COL24A1: variants seen among roughly 807,000 people sequenced by gnomAD.
The protein encoded by COL24A1 is collagen alpha-1(XXIV) chain.
Under a neutral mutation model 253.9 loss-of-function variants are expected in COL24A1, and 224 were observed. The observed-to-expected ratio is 0.88, with a 90% CI of 0.79 to 0.99. COL24A1 has a LOEUF of 0.99. COL24A1 is among the 50% of genes least tolerant of loss of function. The pLI, the probability that COL24A1 is intolerant of heterozygous loss-of-function variation, is 0.00. For synonymous variants in COL24A1, 685 were observed against 673.7 expected (o/e 1.02, Z -0.26); for missense variants, 2,131 against 2,068.5 (o/e 1.03, Z -0.59).
intron 24 of COL24A1, among the ~76,000 whole-genome samples, chr1:85,920,321 G>A (rs1029832223): frequency 6.6e-6 from 1 of 152,190 alleles, no homozygotes; most frequent in African/African-American, 2.4e-5. Flanking sequence ...TGTATTCCAA[G>A]CAGAGGGAAT....
intron 2 of COL24A1, among the ~76,000 whole-genome samples, chr1:86,131,622 T>C (rs1649217355): frequency 6.6e-6 from 1 of 151,592 alleles, no homozygotes; most frequent in African/African-American, 2.4e-5. Context: ...TTTGGTTTTT[T>C]GTCCTTGTGA....
intron 43 of COL24A1, among the ~76,000 whole-genome samples, chr1:85,831,974 T>C (rs1201606866): frequency 3.9e-5 from 6 of 152,108 alleles, no homozygotes; most frequent in Non-Finnish European, 8.8e-5. Context: ...ACATTGCTTT[T>C]GGTGTTTTAG....
intron 55 of COL24A1, among the ~76,000 whole-genome samples, chr1:85,746,294 C>T: frequency 6.6e-6 from 1 of 152,020 alleles, no homozygotes; most frequent in Non-Finnish European, 1.5e-5. Flanking sequence ...TCTCATAGCT[C>T]ATGGTTGGTA....
chr1:85,908,523 T>C, intron 27 of COL24A1, 75 bp downstream of exon 27: 7 of 839,776 alleles, frequency 8.3e-6, no homozygotes, highest in Non-Finnish European at 1.3e-5. Flanking sequence ...AAACCAACAA[T>C]AAAGCATAAC....
chr1:85,884,414 C>T (rs1381301456), intron 32 of COL24A1, among the ~76,000 whole-genome samples: 1 of 152,014 alleles, frequency 6.6e-6, no homozygotes, highest in Non-Finnish European at 1.5e-5. Context: ...TTTTACTCCC[C>T]TGTTTTATTT....
chr1:86,056,150 G>T (rs562413718), intron 10 of COL24A1, among the ~76,000 whole-genome samples: 1 of 150,518 alleles, frequency 6.6e-6, no homozygotes, highest in African/African-American at 2.4e-5. Context: ...TAACTCCACA[G>T]CCCATGTTCT....
chr1:85,979,562 G>A (rs371191702), intron 20 of COL24A1, among the ~76,000 whole-genome samples: 49 of 152,002 alleles, frequency 3.2e-4, no homozygotes, highest in African/African-American at 9.6e-4. Flanking sequence ...ACACCTTTAC[G>A]CACACAAACT....
chr1:85,953,746 A>G (rs1011411317), intron 24 of COL24A1, among the ~76,000 whole-genome samples: 1 of 152,234 alleles, frequency 6.6e-6, no homozygotes, highest in African/African-American at 2.4e-5. Flanking sequence ...CAAGTCACAG[A>G]ATAATGTTTA....
intron 55 of COL24A1, among the ~76,000 whole-genome samples, chr1:85,748,732 G>A (rs555982767): frequency 2.9e-5 from 4 of 137,278 alleles, no homozygotes; most frequent in Admixed American, 2.2e-4. Flanking sequence ...AAGCGCAAGG[G>A]GTCAGGGAGT....
In COL24A1 at chr1:85,729,996, A is replaced by C. The variant is rs1160766628; in HGVS notation, c.*550T>G. 6.5e-6 allele frequency: 1 copy of C among 152,732 alleles called. No individual in the cohort carries two copies. Among genetic ancestry groups the C allele is most frequent in the African/African-American group, 2.4e-5 (1 of 41,474 alleles). The allele number at this position is 152,732 out of a possible 1,614,324, so 9.5% of individuals were successfully genotyped here. ...AGATGAAAAAGGAAATAGTCTATGAAAGCCATAAGCACCTTGTTTTCGAAA... is the reference window on the plus strand; with the variant it reads ...AGATGAAAAAGGAAATAGTCTATGACAGCCATAAGCACCTTGTTTTCGAAA... On this transcript the variant is annotated 3_prime_UTR_variant, in exon 60 of 60. Coordinates refer to ENST00000370571, the MANE Select transcript of COL24A1 (RefSeq NM_152890.7).
At chr1:85,828,386 A>G (rs1428170413) in intron 43 of COL24A1, among the ~76,000 whole-genome samples, 6 of 151,222 alleles carry the variant, frequency 4.0e-5, no homozygotes, top group African/African-American at 1.5e-4. Context: ...GTGCTGAAAA[A>G]AATGTATATT....
At chr1:85,788,241 C>T (rs912591916) in intron 47 of COL24A1, among the ~76,000 whole-genome samples, 1 of 152,138 alleles carries the variant, frequency 6.6e-6, no homozygotes, top group Non-Finnish European at 1.5e-5. Flanking sequence ...CAGGCACCTG[C>T]CACTACATCC....
intron 7 of COL24A1, among the ~76,000 whole-genome samples, chr1:86,085,821 G>A (rs1703019701): frequency 6.6e-6 from 1 of 152,158 alleles, no homozygotes; most frequent in Admixed American, 6.5e-5. Context: ...CATATTGCTT[G>A]TTAAAAATGT....
chr1:85,836,178 A>C (rs909713752), intron 43 of COL24A1, among the ~76,000 whole-genome samples: 1 of 152,148 alleles, frequency 6.6e-6, no homozygotes, highest in East Asian at 1.9e-4. Flanking sequence ...TTGGAGCTTT[A>C]TTTCTTTATG....
chr1:85,841,225 T>A lies in COL24A1; in HGVS notation c.3624A>T (p.Glu1208Asp). 2 of 1,600,246 alleles carry A rather than the reference T, an allele frequency of 1.2e-6. No homozygotes were observed. The highest frequency in any genetic ancestry group is 1.7e-6 in the Non-Finnish European group (2 of 1,173,830). Residue 1208 changes from glutamate to aspartate, a missense_variant, in exon 42 of 60, where the codon GAA becomes GAT. By Grantham distance (45) the Glu-to-Asp change is conservative. Coordinates refer to ENST00000370571, the MANE Select transcript of COL24A1 (RefSeq NM_152890.7). ...ATTATTTCAGAAAAAGACCTACTGG[T>A]TCACCTCGAGGCCCAGGTGGTCCTA... ...TVLGPPGPRG[E>D]PGPVGDQGER...
intron 42 of COL24A1, 36 bp downstream of exon 42, chr1:85,841,186 C>G (rs760693509): frequency 1.3e-6 from 2 of 1,484,786 alleles, no homozygotes; most frequent in South Asian, 1.2e-5. Context: ...TGTGTTTTAT[C>G]TTGAATAACC....
chr1:86,073,731 T>A (rs1001716198), intron 7 of COL24A1, among the ~76,000 whole-genome samples: 8 of 151,970 alleles, frequency 5.3e-5, no homozygotes, highest in African/African-American at 1.7e-4. Flanking sequence ...AAAGGTCAGG[T>A]TACTCACAAA....
At chr1:85,944,996 C>CGTTTTT (rs1689121482) in intron 24 of COL24A1, among the ~76,000 whole-genome samples, 1 of 53,164 alleles carries the variant, frequency 1.9e-5, no homozygotes, top group African/African-American at 6.1e-5. Context: ...TCCAGTCTAT[C>CGTTTTT]ATTGTGTTTT....
At chr1:86,004,505 C>G (rs1408873109) in intron 19 of COL24A1, among the ~76,000 whole-genome samples, 1 of 152,062 alleles carries the variant, frequency 6.6e-6, no homozygotes, top group Non-Finnish European at 1.5e-5. Context: ...ATTGATGTGC[C>G]AGTTAAAAGA....
Sources: gnomAD v4.1 joint callset for allele counts (sites outside exome capture counted in the v4.1 genomes callset) on GRCh38, gnomAD v4.1.1 for gene constraint, MANE v1.5 for transcripts, NCBI Gene and HGNC (gene_info 2026-07-23, HGNC 2026-07-21) for gene names.